Variants in CACNB2 observed in about 807,000 individuals in gnomAD.
CACNB2 encodes the protein calcium voltage-gated channel auxiliary subunit beta 2.
In CACNB2, 42 loss-of-function variants were observed where a neutral mutation model predicts 73.3. The observed-to-expected ratio is 0.57, with a 90% confidence interval of 0.45 to 0.74. CACNB2 has a LOEUF of 0.74. CACNB2 is among the 30% of genes least tolerant of loss of function. The pLI is 0.00. For missense variants in CACNB2, 940 were observed against 853.0 expected (o/e 1.10, Z -1.27); for synonymous variants, 348 against 310.3 (o/e 1.12, Z -1.28).
At chr10:18,313,232 T>G (rs1047110362) in intron 2 of CACNB2, among the ~76,000 whole-genome samples, 1 of 151,268 alleles carries the variant, frequency 6.6e-6, no homozygotes, top group Non-Finnish European at 1.5e-5. Flanking sequence ...ATTTTATGAA[T>G]CTAGTATCGC....
At chr10:18,364,378 G>C (rs1161173738) in intron 2 of CACNB2, among the ~76,000 whole-genome samples, 1 of 150,462 alleles carries the variant, frequency 6.6e-6, no homozygotes, top group African/African-American at 2.5e-5. Context: ...TCGGCTCATT[G>C]TAACTTCCGT....
At chr10:18,254,673 G>A (rs2037210399) in intron 2 of CACNB2, among the ~76,000 whole-genome samples, 1 of 152,202 alleles carries the variant, frequency 6.6e-6, no homozygotes, top group Admixed American at 6.5e-5. Context: ...TGTGCATTTT[G>A]GTGGCTAAAG....
chr10:18,241,960 A>G (rs1307523521), intron 2 of CACNB2, among the ~76,000 whole-genome samples: 1 of 152,082 alleles, frequency 6.6e-6, no homozygotes, highest in African/African-American at 2.4e-5. Flanking sequence ...TCAAATAACA[A>G]TAACTATTCA....
At chr10:18,365,341 A>C (rs2042304633) in intron 2 of CACNB2, among the ~76,000 whole-genome samples, 1 of 152,138 alleles carries the variant, frequency 6.6e-6, no homozygotes, top group Non-Finnish European at 1.5e-5. Context: ...GAGATTCTTT[A>C]AGGCCTCTTT....
intron 2 of CACNB2, among the ~76,000 whole-genome samples, chr10:18,302,190 G>A (rs1042219808): frequency 6.6e-6 from 1 of 151,936 alleles, no homozygotes; most frequent in Admixed American, 6.6e-5. Flanking sequence ...CAAAGTTGTA[G>A]AACAGACTTT....
chr10:18,316,862 G>C (rs1024120825), intron 2 of CACNB2, among the ~76,000 whole-genome samples: 1 of 152,098 alleles, frequency 6.6e-6, no homozygotes, highest in Non-Finnish European at 1.5e-5. Flanking sequence ...GCAAATCTTA[G>C]CACTGTCTTA....
intron 3 of CACNB2, among the ~76,000 whole-genome samples, chr10:18,460,952 C>T (rs1020161744): frequency 3.3e-5 from 5 of 151,308 alleles, no homozygotes; most frequent in Admixed American, 1.3e-4. Flanking sequence ...TTTTTGAGAC[C>T]GAGTTTCGTT....
chr10:18,401,145 C>T, intron 2 of CACNB2: 1 of 1,611,572 alleles, frequency 6.2e-7, no homozygotes, highest in Non-Finnish European at 8.5e-7. Flanking sequence ...TATTTTGTCT[C>T]TGCTTTTCTG....
intron 2 of CACNB2, among the ~76,000 whole-genome samples, chr10:18,204,125 G>A (rs896567568): frequency 2.0e-5 from 3 of 152,216 alleles, no homozygotes; most frequent in Non-Finnish European, 4.4e-5. Context: ...GACTTTTAAA[G>A]TGTTCATTTT....
chr10:18,533,257 T>C (rs2053241839), intron 10 of CACNB2: 1 of 152,200 alleles, frequency 6.6e-6, no homozygotes, highest in Admixed American at 6.5e-5. Context: ...ATTTATTAAA[T>C]TTTAAAAATT....
chr10:18,155,381 C>G (rs906107870), intron 2 of CACNB2, among the ~76,000 whole-genome samples: 3 of 152,034 alleles, frequency 2.0e-5, no homozygotes, highest in Admixed American at 1.3e-4. Context: ...TGTGGATTGT[C>G]TTTGGTTGAT....
chr10:18,539,789 A>T lies in CACNB2; in HGVS notation c.*65A>T. On this transcript the variant is annotated 3_prime_UTR_variant, in exon 14 of 14. Transcript: ENST00000324631. ...TCTTGTATAACTAACAGCATCCCCAAAACAAAGTCTTTGGGGTCTACACTG... is the reference window on the plus strand; with the variant it reads ...TCTTGTATAACTAACAGCATCCCCATAACAAAGTCTTTGGGGTCTACACTG... 6.6e-7 allele frequency: 1 copy of T among 1,510,496 alleles called. No individual in the cohort carries two copies. Among genetic ancestry groups the T allele is most frequent in the Admixed American group, 2.0e-5 (1 of 49,702 alleles). The allele number at this position is 1,510,496 out of a possible 1,614,324, so 93.6% of individuals were successfully genotyped here.
At position 18,523,914 on chromosome 10, in the gene CACNB2, G is replaced by T. The variant is rs7081090; in HGVS notation, c.945-3674G>T. On this transcript the variant is annotated intron_variant, in intron 9 of 13. Coordinates refer to ENST00000324631, the MANE Select transcript of CACNB2 (RefSeq NM_201596.3). ...TATGCGAAAGGTTCTAGGTAGTCAA[G>T]AATTCCTTTTTCTTTTCTGAAACCC... 8.3e-3 allele frequency among the ~76,000 whole-genome samples: 1,265 copies of T among 152,314 alleles called. 22 individuals are homozygous for T. Among genetic ancestry groups the T allele is most frequent in the African/African-American group, 0.029 (1,213 of 41,564 alleles).
chr10:18,400,682 C>G, intron 2 of CACNB2: 1 of 927,894 alleles, frequency 1.1e-6, no homozygotes, highest in Admixed American at 7.5e-5. Context: ...CAACTAATTT[C>G]TTTTAACAAT....
rs1017687122 is a variant in CACNB2 at position 18,141,289 on chromosome 10, C to T, written c.120+433C>T. 76 of 1,306,536 alleles carry T rather than the reference C, an allele frequency of 5.8e-5. No homozygotes were observed. In the African/African-American group the frequency reaches 1.0e-3, roughly 17 times the overall value. 80.9% of individuals were successfully genotyped at this position (1,306,536 alleles called of 1,614,324 possible). Reference sequence around the variant, plus strand: ...CGATGCCGACTCTCCTGGCCACGCTCCGAGCCGGGGTGGGCGTGGGTGTGA... The same window carrying T: ...CGATGCCGACTCTCCTGGCCACGCTTCGAGCCGGGGTGGGCGTGGGTGTGA... On this transcript the variant is annotated intron_variant, in intron 1 of 13. Coordinates refer to ENST00000324631, the MANE Select transcript of CACNB2 (RefSeq NM_201596.3).
intron 2 of CACNB2, among the ~76,000 whole-genome samples, chr10:18,390,406 G>C (rs760080665): frequency 6.6e-6 from 1 of 152,156 alleles, no homozygotes; most frequent in African/African-American, 2.4e-5. Flanking sequence ...AGCGATGGGG[G>C]TTTCACCATA....
At chr10:18,524,730 A>G (rs1423201413) in intron 9 of CACNB2, among the ~76,000 whole-genome samples, 1 of 151,390 alleles carries the variant, frequency 6.6e-6, no homozygotes, top group Non-Finnish European at 1.5e-5. Flanking sequence ...AATACACAAG[A>G]AAAAGTATAG....
intron 2 of CACNB2, among the ~76,000 whole-genome samples, chr10:18,165,354 T>C (rs2032775129): frequency 6.6e-6 from 1 of 152,200 alleles, no homozygotes; most frequent in South Asian, 2.1e-4. Context: ...AGCCAACTCC[T>C]GAAGGTGTCG....
rs538499151 is a variant in CACNB2 at position 18,483,543 on chromosome 10, A to AG, written c.334-14812_334-14811insG. 2.6e-3 allele frequency among the ~76,000 whole-genome samples: 394 copies of AG among 151,622 alleles called. 2 individuals carry two copies. Among genetic ancestry groups the AG allele is most frequent in the South Asian group, 0.015 (70 of 4,772 alleles). On this transcript the variant is annotated intron_variant, in intron 3 of 13. Transcript: ENST00000324631. Reference sequence around the variant, plus strand: ...CAAAACTCTGTCTCAAAAAAAAAAAAAAAGAAAAGAAAAAAGAAACCAAAA... The same window carrying AG: ...CAAAACTCTGTCTCAAAAAAAAAAAAGAAAGAAAAGAAAAAAGAAACCAAAA...
Sources: allele counts gnomAD v4.1 joint callset (sites outside exome capture counted in the v4.1 genomes callset), GRCh38; gene constraint gnomAD v4.1.1; transcripts MANE v1.5; gene names NCBI Gene and HGNC (gene_info 2026-07-23, HGNC 2026-07-21).